Variants in YEATS4 observed in about 807,000 individuals in gnomAD.
The protein encoded by YEATS4 is YEATS domain containing 4.
A neutral mutation model predicts 30.1 loss-of-function variants in YEATS4; 17 were observed. The observed-to-expected ratio is 0.56, with a 90% confidence interval of 0.39 to 0.85. The LOEUF is 0.85. Ranked by LOEUF, YEATS4 falls within the 40% of genes least tolerant of loss-of-function variation. YEATS4 has a pLI of 0.00. For missense variants in YEATS4, 142 were observed against 268.3 expected, an observed-to-expected ratio of 0.53 and a Z score of 3.29; for synonymous variants, 85 against 87.5, an observed-to-expected ratio of 0.97 and a Z score of 0.16.
At chr12:69,364,058 G>T (rs1453948183) in intron 2 of YEATS4, 14 of 279,118 alleles carry the variant, frequency 5.0e-5, no homozygotes, top group Non-Finnish European at 8.8e-5. Flanking sequence ...GTGGGTGGGG[G>T]AGAAAGGGTA....
chr12:69,362,724 T>C (rs1875268460), intron 1 of YEATS4, 64 bp from the exon 2 acceptor site: 1 of 1,298,996 alleles, frequency 7.7e-7, no homozygotes, highest in Non-Finnish European at 1.0e-6. Flanking sequence ...TTTTCAGAGC[T>C]CTTATTCTGC....
intron 6 of YEATS4, among the ~76,000 whole-genome samples, chr12:69,383,645 C>T (rs1876164951): frequency 6.6e-6 from 1 of 152,070 alleles, no homozygotes; most frequent in South Asian, 2.1e-4. Context: ...GCTGATAGGT[C>T]AAGTAAGATG....
the YEATS4 span, among the ~76,000 whole-genome samples, chr12:69,413,683 C>T: frequency 6.6e-6 from 1 of 151,950 alleles, no homozygotes; most frequent in African/African-American, 2.4e-5. Flanking sequence ...GAAACCCCGT[C>T]TCTACTAAAA....
At chr12:69,402,725 CTTT>C in the YEATS4 span, among the ~76,000 whole-genome samples, 8 of 113,100 alleles carry the variant, frequency 7.1e-5, no homozygotes, top group Non-Finnish European at 7.3e-5. Context: ...TCTTTCTTTT[CTTT>C]TTTTTTTTTT....
At chr12:69,371,245 G>GT (rs927354409) in intron 6 of YEATS4, among the ~76,000 whole-genome samples, 29 of 152,156 alleles carry the variant, frequency 1.9e-4, no homozygotes, top group Admixed American at 1.0e-3. Flanking sequence ...TTTAAGTATA[G>GT]TTTTTTATTA....
At chr12:69,399,357 C>T in the YEATS4 span, among the ~76,000 whole-genome samples, 2 of 152,124 alleles carry the variant, frequency 1.3e-5, no homozygotes, top group Non-Finnish European at 2.9e-5. Flanking sequence ...TTTGAATACA[C>T]ATTTCTCCAA....
the YEATS4 span, among the ~76,000 whole-genome samples, chr12:69,404,821 G>A: frequency 6.6e-6 from 1 of 152,194 alleles, no homozygotes; most frequent in African/African-American, 2.4e-5. Flanking sequence ...TTTATATTAT[G>A]TGACCCTTCC....
intron 6 of YEATS4, among the ~76,000 whole-genome samples, chr12:69,371,214 C>T (rs1320440592): frequency 1.3e-5 from 2 of 152,154 alleles, no homozygotes; most frequent in African/African-American, 4.8e-5. Flanking sequence ...TACTGTTTGT[C>T]TGTTTTATTC....
At position 69,359,825 on chromosome 12, in the gene YEATS4, C is replaced by A; in HGVS notation, c.-148C>A. The A allele has an allele frequency of 2.2e-6, 2 of 905,750 alleles. No homozygotes were observed. Among genetic ancestry groups the A allele is most frequent in the Non-Finnish European group, 3.3e-6 (2 of 604,618 alleles). 56.1% of individuals were successfully genotyped at this position (905,750 alleles called of 1,614,324 possible). A position where few individuals can be genotyped will look rare whatever the true frequency, so the allele number is the denominator to read the frequency against. On this transcript the variant is annotated 5_prime_UTR_variant, in exon 1 of 7. Coordinates refer to ENST00000247843, the MANE Select transcript of YEATS4 (RefSeq NM_006530.4). Reference sequence around the variant, plus strand: ...GGCCTGAGGAGTTGACGGTTACTCACCGCCGTGAGCCCAAGTAACTCGCCC... The same window carrying A: ...GGCCTGAGGAGTTGACGGTTACTCAACGCCGTGAGCCCAAGTAACTCGCCC...
At chr12:69,411,801 G>A in the YEATS4 span, among the ~76,000 whole-genome samples, 3 of 152,234 alleles carry the variant, frequency 2.0e-5, no homozygotes, top group East Asian at 1.9e-4. Context: ...TCTCTGAAGC[G>A]AAAGCATTCC....
intron 6 of YEATS4, among the ~76,000 whole-genome samples, chr12:69,374,861 G>A (rs1343628342): frequency 6.6e-5 from 10 of 152,020 alleles, no homozygotes; most frequent in East Asian, 1.9e-4. Context: ...AACCGCCATC[G>A]TCATCATGGC....
In YEATS4 at chr12:69,359,769, G is replaced by A; in HGVS notation, c.-204G>A. On this transcript the variant is annotated 5_prime_UTR_variant, in exon 1 of 7. Coordinates refer to ENST00000247843, the MANE Select transcript of YEATS4 (RefSeq NM_006530.4). ...TCTTTTCGCGGCGTTCTCCACCTGC[G>A]CGGGCCTGAATGGCCTTCAGGAGCA... 3 of 589,464 alleles carry A rather than the reference G, an allele frequency of 5.1e-6. No individual in the cohort carries two copies. The South Asian group carries it at 6.8e-5, about 13-fold the overall frequency. 36.5% of individuals were successfully genotyped at this position (589,464 alleles called of 1,614,324 possible).
chr12:69,425,426 C>T, the YEATS4 span, among the ~76,000 whole-genome samples: 1 of 152,158 alleles, frequency 6.6e-6, no homozygotes, highest in Non-Finnish European at 1.5e-5. Context: ...CCCAGATTTG[C>T]CTGACTGGCT....
intron 4 of YEATS4, among the ~76,000 whole-genome samples, chr12:69,367,640 A>T (rs1463439973): frequency 2.0e-5 from 3 of 152,208 alleles, no homozygotes; most frequent in Non-Finnish European, 4.4e-5. Flanking sequence ...TGCTGGGATT[A>T]CAGGCATGAG....
the YEATS4 span, among the ~76,000 whole-genome samples, chr12:69,400,636 C>T: frequency 6.6e-6 from 1 of 151,080 alleles, no homozygotes; most frequent in Admixed American, 6.6e-5. Flanking sequence ...TCACATGAGC[C>T]CAGGAGTTTG....
the YEATS4 span, among the ~76,000 whole-genome samples, chr12:69,425,982 C>G: frequency 6.6e-6 from 1 of 152,274 alleles, no homozygotes; most frequent in Non-Finnish European, 1.5e-5. Flanking sequence ...GGTGGTTCAC[C>G]CCAGCATTTT....
At chr12:69,407,266 A>G in the YEATS4 span, among the ~76,000 whole-genome samples, 1 of 151,972 alleles carries the variant, frequency 6.6e-6, no homozygotes, top group East Asian at 1.9e-4. Flanking sequence ...AGACAGACCT[A>G]CTTGCAGGGT....
chr12:69,362,013 GTTT>G (rs533225716), intron 1 of YEATS4, among the ~76,000 whole-genome samples: 1 of 69,062 alleles, frequency 1.4e-5, no homozygotes, highest in African/African-American at 5.0e-5. Flanking sequence ...GTGTTTGGTT[GTTT>G]TTTTTTTTTT....
intron 6 of YEATS4, among the ~76,000 whole-genome samples, chr12:69,375,326 C>G (rs553301759): frequency 6.6e-6 from 1 of 150,770 alleles, no homozygotes; most frequent in East Asian, 2.0e-4. Context: ...CAGAGGCGCT[C>G]CCCACATCCC....
Sources: gnomAD v4.1 joint callset for allele counts (sites outside exome capture counted in the v4.1 genomes callset) on GRCh38, gnomAD v4.1.1 for gene constraint, MANE v1.5 for transcripts, NCBI Gene and HGNC (gene_info 2026-07-23, HGNC 2026-07-21) for gene names.